NAV2: variants seen among roughly 807,000 people sequenced by gnomAD.
NAV2 encodes the protein neuron navigator 2.
A neutral mutation model predicts 223.2 loss-of-function variants in NAV2; 54 were observed. The observed-to-expected ratio is 0.24, with a 90% CI of 0.19 to 0.30. The LOEUF (loss-of-function observed/expected upper bound fraction) is 0.30, where lower values mean the gene tolerates loss of function less well. Among genes scored for constraint, NAV2 ranks in the 10% least tolerant of loss-of-function variants. NAV2 has a pLI of 1.00. For missense variants in NAV2, 2,806 were observed against 3,147.5 expected (o/e 0.89, Z 2.60); for synonymous variants, 1,279 against 1,239.3 (o/e 1.03, Z -0.67).
At chr11:19,817,072 A>G (rs2059129678) in intron 1 of NAV2, among the ~76,000 whole-genome samples, 1 of 152,034 alleles carries the variant, frequency 6.6e-6, no homozygotes, top group Non-Finnish European at 1.5e-5. Context: ...CCACCACCCC[A>G]CTGCTCAGGT....
At chr11:19,864,328 C>T (rs926991711) in intron 3 of NAV2, among the ~76,000 whole-genome samples, 1 of 152,142 alleles carries the variant, frequency 6.6e-6, no homozygotes, top group African/African-American at 2.4e-5. Flanking sequence ...TATTTTCATG[C>T]GCTTTGCACT....
Position 20,103,435 on chromosome 11 carries a change from G to GC in NAV2, c.6572+32dup, listed in dbSNP as rs766651911. 3.1e-6 allele frequency: 5 copies of GC among 1,606,984 alleles called. No individual in the cohort carries two copies. In the Admixed American group the frequency reaches 8.4e-5, roughly 27 times the overall value. On this transcript the variant is annotated intron_variant, in intron 33 of 37. Coordinates refer to ENST00000349880, the MANE Select transcript of NAV2 (RefSeq NM_145117.5). ...GTAAAGGCTGGTTCTGGACCTCATA[G>GC]CCCCCCGGGAGAGAGTGCTGCCAGC...
chr11:19,790,815 G>C (rs148299956), intron 1 of NAV2, among the ~76,000 whole-genome samples: 35 of 152,250 alleles, frequency 2.3e-4, no homozygotes, highest in Middle Eastern at 3.4e-3. Context: ...TTTGCAAAAG[G>C]GGGGAATATT....
intron 11 of NAV2, among the ~76,000 whole-genome samples, chr11:19,997,168 G>A (rs1466907383): frequency 6.6e-6 from 1 of 152,204 alleles, no homozygotes; most frequent in Admixed American, 6.5e-5. Flanking sequence ...TGTAGTCTGG[G>A]TAGGAGTCTG....
At chr11:19,466,382 C>T (rs1298708133) in intron 1 of NAV2, among the ~76,000 whole-genome samples, 1 of 152,196 alleles carries the variant, frequency 6.6e-6, no homozygotes, top group African/African-American at 2.4e-5. Flanking sequence ...TGGGAGAGAT[C>T]ATTTCTAGTT....
At chr11:20,033,045 G>C in intron 11 of NAV2, among the ~76,000 whole-genome samples, 1 of 152,240 alleles carries the variant, frequency 6.6e-6, no homozygotes, top group Middle Eastern at 3.4e-3. Flanking sequence ...GGGAACAGCC[G>C]TTGTTGCTAC....
intron 11 of NAV2, among the ~76,000 whole-genome samples, chr11:19,986,601 C>T (rs559800936): frequency 1.7e-3 from 265 of 152,280 alleles, no homozygotes; most frequent in African/African-American, 6.0e-3. Flanking sequence ...TGCATTCCAG[C>T]CTGGGCAACA....
At chr11:19,426,592 C>G (rs1042226491) in intron 1 of NAV2, among the ~76,000 whole-genome samples, 9 of 152,176 alleles carry the variant, frequency 5.9e-5, no homozygotes, top group African/African-American at 2.2e-4. Context: ...TCATAGGAAA[C>G]TTGCCAAGAG....
intron 8 of NAV2, among the ~76,000 whole-genome samples, chr11:19,944,840 C>T (rs2153350960): frequency 6.9e-6 from 1 of 143,964 alleles, no homozygotes; most frequent in East Asian, 2.1e-4. Flanking sequence ...GCTTTCTTGC[C>T]TTCTTGTCTT....
At chr11:20,077,477 CT>C in intron 22 of NAV2, 74 bp from the exon 23 acceptor site, 5 of 1,183,360 alleles carry the variant, frequency 4.2e-6, no homozygotes, top group Non-Finnish European at 6.3e-6. Context: ...GGATTTTCAT[CT>C]TTAAGAGCCA....
At chr11:19,481,141 A>T (rs983352836) in intron 1 of NAV2, among the ~76,000 whole-genome samples, 1 of 152,132 alleles carries the variant, frequency 6.6e-6, no homozygotes, top group African/African-American at 2.4e-5. Flanking sequence ...TGTCTACAAG[A>T]GTGACATACA....
At chr11:19,419,142 G>T (rs1366985717) in intron 1 of NAV2, among the ~76,000 whole-genome samples, 2 of 152,112 alleles carry the variant, frequency 1.3e-5, no homozygotes, top group Non-Finnish European at 2.9e-5. Context: ...TGGAGTTTGG[G>T]TGCCTTCCCT....
chr11:20,044,890 G>A (rs2057296054), intron 13 of NAV2, 78 bp from the exon 14 acceptor site: 2 of 1,204,948 alleles, frequency 1.7e-6, no homozygotes, highest in Non-Finnish European at 2.3e-6. Flanking sequence ...CTCTTCAGAG[G>A]AGGAGAGCAT....
intron 1 of NAV2, among the ~76,000 whole-genome samples, chr11:19,831,157 A>G (rs2059906474): frequency 7.5e-6 from 1 of 132,888 alleles, no homozygotes; most frequent in South Asian, 2.6e-4. Flanking sequence ...CAGAGATGCT[A>G]CCTCCTTAGA....
intron 1 of NAV2, among the ~76,000 whole-genome samples, chr11:19,440,177 T>A (rs1354758743): frequency 6.6e-6 from 1 of 152,236 alleles, no homozygotes; most frequent in Non-Finnish European, 1.5e-5. Flanking sequence ...ACGTGGTTGC[T>A]GTCTGCATGA....
chr11:19,454,163 A>G (rs1187520915), intron 1 of NAV2, among the ~76,000 whole-genome samples: 1 of 152,190 alleles, frequency 6.6e-6, no homozygotes, highest in East Asian at 1.9e-4. Context: ...GTCAGACTGC[A>G]AGTCCCAAGT....
chr11:19,497,888 CA>C, intron 1 of NAV2, among the ~76,000 whole-genome samples: 1 of 152,264 alleles, frequency 6.6e-6, no homozygotes, highest in South Asian at 2.1e-4. Flanking sequence ...CTTGGAACAG[CA>C]GACTCTAGGA....
chr11:19,418,414 C>T (rs964287389), intron 1 of NAV2, among the ~76,000 whole-genome samples: 1 of 152,184 alleles, frequency 6.6e-6, no homozygotes, highest in Admixed American at 6.5e-5. Flanking sequence ...GGCTTACAGC[C>T]CAGAGATGCC....
chr11:19,495,436 T>G (rs1300255234), intron 1 of NAV2, among the ~76,000 whole-genome samples: 3 of 152,132 alleles, frequency 2.0e-5, no homozygotes, highest in Non-Finnish European at 4.4e-5. Flanking sequence ...AGCCCTCAAT[T>G]AAGCCTGGTA....
Sources: gnomAD v4.1 joint callset for allele counts (sites outside exome capture counted in the v4.1 genomes callset) on GRCh38, gnomAD v4.1.1 for gene constraint, MANE v1.5 for transcripts, NCBI Gene and HGNC (gene_info 2026-07-23, HGNC 2026-07-21) for gene names.